The following INPP4B variants were observed in gnomAD, a reference collection of about 807,000 sequenced individuals.
INPP4B encodes the protein inositol polyphosphate-4-phosphatase type II B, also known as inositol polyphosphate 4-phosphatase type II.
INPP4B carries 55 observed loss-of-function variants against 122.5 expected under a neutral mutation model. That is an observed-to-expected ratio of 0.45 (90% confidence interval 0.36 to 0.56). The LOEUF is 0.56. INPP4B is among the 20% of genes least tolerant of loss of function. The probability of loss-of-function intolerance (pLI) is 0.00; values close to 1 mark genes in which losing one functional copy is unlikely to be tolerated. For missense variants in INPP4B, 1,000 were observed against 1,097.7 expected (o/e 0.91, Z 1.26); for synonymous variants, 403 against 388.7 (o/e 1.04, Z -0.43).
chr4:142,293,162 C>A (rs1047975367), intron 9 of INPP4B, among the ~76,000 whole-genome samples: 6 of 151,850 alleles, frequency 4.0e-5, no homozygotes, highest in African/African-American at 1.5e-4. Context: ...CCTCAGCCTC[C>A]CAAGTAGCTG....
At chr4:142,335,108 GAAA>G (rs36074851) in intron 7 of INPP4B, among the ~76,000 whole-genome samples, 6 of 65,160 alleles carry the variant, frequency 9.2e-5, no homozygotes, top group African/African-American at 2.7e-4. Context: ...TGGGAAAAAT[GAAA>G]AAAAAAAAAA....
chr4:142,838,310 A>AT (rs904062895), intron 1 of INPP4B, among the ~76,000 whole-genome samples: 11 of 149,468 alleles, frequency 7.4e-5, no homozygotes, highest in South Asian at 2.1e-4. Context: ...TCTACTTCCC[A>AT]TTTTTTTTTC....
intron 17 of INPP4B, among the ~76,000 whole-genome samples, chr4:142,159,837 ATTC>A (rs1445289266): frequency 1.3e-5 from 2 of 151,876 alleles, no homozygotes; most frequent in African/African-American, 2.4e-5. Flanking sequence ...TTATGAGGCC[ATTC>A]TTCTGTAAAC....
chr4:142,515,422 A>C (rs1825300344), intron 2 of INPP4B, among the ~76,000 whole-genome samples: 1 of 152,148 alleles, frequency 6.6e-6, no homozygotes, highest in South Asian at 2.1e-4. Flanking sequence ...TCTGTTCTTA[A>C]AGCCCTCATT....
intron 18 of INPP4B, among the ~76,000 whole-genome samples, chr4:142,136,955 C>T (rs1409684109): frequency 2.6e-5 from 4 of 152,178 alleles, no homozygotes; most frequent in Non-Finnish European, 4.4e-5. Context: ...AATGGCCATA[C>T]TGCCCAAGGT....
At chr4:142,186,755 C>T (rs1057403483) in intron 15 of INPP4B, among the ~76,000 whole-genome samples, 9 of 152,118 alleles carry the variant, frequency 5.9e-5, no homozygotes, top group Admixed American at 5.9e-4. Context: ...GGAAAAACTG[C>T]ATTACAAATT....
intron 8 of INPP4B, among the ~76,000 whole-genome samples, chr4:142,307,759 ACACT>A (rs1405156135): frequency 6.6e-6 from 1 of 152,180 alleles, no homozygotes; most frequent in Admixed American, 6.5e-5. Flanking sequence ...CTCATTATTC[ACACT>A]CAAAGAAAAC....
chr4:142,343,927 C>T (rs1561895226), intron 7 of INPP4B, among the ~76,000 whole-genome samples: 1 of 151,914 alleles, frequency 6.6e-6, no homozygotes, highest in Non-Finnish European at 1.5e-5. Flanking sequence ...AAAATTAGCA[C>T]AAATATTAAT....
chr4:142,766,291 T>G (rs1772108116), intron 1 of INPP4B, among the ~76,000 whole-genome samples: 1 of 152,198 alleles, frequency 6.6e-6, no homozygotes, highest in South Asian at 2.1e-4. Context: ...TGTTTGTTTC[T>G]TCTCACTAAT....
intron 3 of INPP4B, among the ~76,000 whole-genome samples, chr4:142,441,620 A>G (rs1216673590): frequency 6.6e-6 from 1 of 152,132 alleles, no homozygotes. Flanking sequence ...AAAAATGCAT[A>G]TAGTGAGAAG....
intron 1 of INPP4B, among the ~76,000 whole-genome samples, chr4:142,818,478 A>C (rs1256101494): frequency 6.6e-6 from 1 of 152,092 alleles, no homozygotes; most frequent in East Asian, 1.9e-4. Flanking sequence ...AGTTCTATCT[A>C]TATCTATATT....
intron 7 of INPP4B, among the ~76,000 whole-genome samples, chr4:142,350,066 C>T (rs928704884): frequency 6.6e-5 from 10 of 151,856 alleles, no homozygotes; most frequent in South Asian, 2.1e-4. Flanking sequence ...ACCTCTTCGG[C>T]GCTTAGAATG....
intron 2 of INPP4B, among the ~76,000 whole-genome samples, chr4:142,634,752 A>G (rs1329434566): frequency 2.0e-5 from 3 of 152,116 alleles, no homozygotes; most frequent in African/African-American, 7.2e-5. Context: ...TGAGACTGGA[A>G]ATTTTTAAAA....
At chr4:142,055,043 C>T (rs547180447) in intron 25 of INPP4B, among the ~76,000 whole-genome samples, 1 of 152,140 alleles carries the variant, frequency 6.6e-6, no homozygotes, top group Admixed American at 6.6e-5. Context: ...GTATGTTAGA[C>T]TCCACTTACT....
At position 142,431,385 on chromosome 4, in the gene INPP4B, C is replaced by A; in HGVS notation, c.-126G>T. 1.5e-6 allele frequency: 1 copy of A among 671,582 alleles called. No homozygotes were observed. Among genetic ancestry groups the A allele is most frequent in the Non-Finnish European group, 2.6e-6 (1 of 386,098 alleles). 41.6% of individuals were successfully genotyped at this position (671,582 alleles called of 1,614,324 possible). Reference sequence around the variant, plus strand: ...TGATATCCCACTCTGAAATTCTGTACCTAGGAAACATCAAAAGTTAAAATT... The same window carrying A: ...TGATATCCCACTCTGAAATTCTGTAACTAGGAAACATCAAAAGTTAAAATT... On this transcript the variant is annotated splice_region_variant and 5_prime_UTR_variant, in exon 4 of 26. Coordinates refer to ENST00000262992, the MANE Select transcript of INPP4B (RefSeq NM_001101669.3).
intron 2 of INPP4B, among the ~76,000 whole-genome samples, chr4:142,477,975 G>T (rs1820010015): frequency 6.6e-6 from 1 of 152,112 alleles, no homozygotes; most frequent in African/African-American, 2.4e-5. Context: ...GCTAATATTT[G>T]TATTTTCAGT....
chr4:142,291,650 G>A (rs1003174568), intron 9 of INPP4B, among the ~76,000 whole-genome samples: 1 of 152,148 alleles, frequency 6.6e-6, no homozygotes, highest in Non-Finnish European at 1.5e-5. Context: ...CCAGAAGGAA[G>A]CCCTCTTTGT....
In INPP4B at chr4:142,286,062, C is replaced by T. The variant is rs190822645; in HGVS notation, c.504-15288G>A. On this transcript the variant is annotated intron_variant, in intron 9 of 25. Coordinates refer to ENST00000262992, the MANE Select transcript of INPP4B (RefSeq NM_001101669.3). ...CTATATAGAACAATAAAGATTCCTA[C>T]AGGACTTTTTTTGTTAAAAGGAGGA... Among the ~76,000 whole-genome samples the T allele has an allele frequency of 8.5e-5, 13 of 152,218 alleles. No individual in the cohort carries two copies. The East Asian group carries it at 2.5e-3, about 29-fold the overall frequency.
intron 9 of INPP4B, among the ~76,000 whole-genome samples, chr4:142,299,647 T>C (rs955032236): frequency 7.2e-5 from 11 of 152,120 alleles, no homozygotes; most frequent in Non-Finnish European, 1.5e-4. Flanking sequence ...TTCTGTTTTA[T>C]AGTTAATCAT....
Sources: gnomAD v4.1 joint callset for allele counts (sites outside exome capture counted in the v4.1 genomes callset) on GRCh38, gnomAD v4.1.1 for gene constraint, MANE v1.5 for transcripts, NCBI Gene and HGNC (gene_info 2026-07-23, HGNC 2026-07-21) for gene names.